GTF2IRD2B: variants seen among roughly 807,000 people sequenced by gnomAD.
GTF2IRD2B encodes general transcription factor II-I repeat domain-containing protein 2B.
GTF2IRD2B carries 10 observed loss-of-function variants against 55.6 expected under a neutral mutation model. The ratio of observed to expected loss-of-function variants is 0.18; its 90% CI spans 0.11 to 0.31. The LOEUF is 0.31. GTF2IRD2B is among the 10% of genes least tolerant of loss of function. GTF2IRD2B has a pLI of 1.00. For synonymous variants in GTF2IRD2B, 107 were observed against 320.5 expected, an observed-to-expected ratio of 0.33 and a Z score of 7.12; for missense variants, 206 against 802.7, an observed-to-expected ratio of 0.26 and a Z score of 8.98.
At chr7:75,145,802 ATC>A (rs1554454263) in intron 15 of GTF2IRD2B, among the ~76,000 whole-genome samples, 3 of 137,436 alleles carry the variant, frequency 2.2e-5, no homozygotes, top group Non-Finnish European at 4.7e-5. Flanking sequence ...TCCCAAACGC[ATC>A]TGATTGCTAA....
intron 3 of GTF2IRD2B, among the ~76,000 whole-genome samples, chr7:75,115,244 G>A (rs1584532361): frequency 6.7e-6 from 1 of 149,634 alleles, no homozygotes; most frequent in Admixed American, 6.7e-5. Context: ...ATTTGGTCAA[G>A]TGTTTATTTC....
chr7:75,121,171 G>A (rs1186359422), intron 4 of GTF2IRD2B, among the ~76,000 whole-genome samples, 161 bp downstream of exon 4: 3 of 149,400 alleles, frequency 2.0e-5, no homozygotes, highest in African/African-American at 7.3e-5. Flanking sequence ...CAAGTAGCTG[G>A]GATTACAGGC....
chr7:75,115,590 ATTTTTTTT>A (rs1163954497), intron 3 of GTF2IRD2B, among the ~76,000 whole-genome samples: 2 of 81,572 alleles, frequency 2.5e-5, no homozygotes, highest in Non-Finnish European at 5.0e-5. Flanking sequence ...TGCCCAGCTA[ATTTTTTTT>A]TTTTTTTTTT....
chr7:75,149,033 C>G lies in GTF2IRD2B; in HGVS notation c.2586C>G (p.His862Gln), dbSNP rs587620221. 1 of 788,872 alleles carries G rather than the reference C, an allele frequency of 1.3e-6. No homozygotes were observed. Among genetic ancestry groups the G allele is most frequent in the East Asian group, 2.4e-5 (1 of 41,200 alleles). 48.9% of individuals were successfully genotyped at this position (788,872 alleles called of 1,614,324 possible). ...SPFSTKIDSV[H>Q]EELQMEVIDL... ...TCTCCACGAAGATCGACAGTGTGCA[C>G]GAGGAGCTCCAGATGGAGGTTATCG... The change falls in exon 16 of 16, where the codon CAC (histidine) becomes CAG (glutamine). Residue 862 changes from histidine to glutamine, a missense_variant. By Grantham distance (24) the His-to-Gln change is conservative. Coordinates refer to ENST00000472837, the MANE Select transcript of GTF2IRD2B (RefSeq NM_001003795.3).
rs371425291 is a variant in GTF2IRD2B, at chr7:75,148,370, G to A, written c.1923G>A (p.Thr641=). 7 of 1,611,836 alleles carry A rather than the reference G, an allele frequency of 4.3e-6. No homozygotes were observed. In the African/African-American group the frequency reaches 5.4e-5, roughly 12 times the overall value. Residue 641 remains threonine, a synonymous_variant, in exon 16 of 16, where the codon ACG becomes ACA. Coordinates refer to ENST00000472837, the MANE Select transcript of GTF2IRD2B (RefSeq NM_001003795.3). The part of the protein sequence containing the change: ...LVTKLKSRVA[T]FCKGAELKSI... ...CAAAACTGAAGTCCAGGGTGGCGAC[G>A]TTCTGCAAGGGTGCGGAACTGAAGT...
At chr7:75,102,812 A>G (rs1807620779) in intron 1 of GTF2IRD2B, among the ~76,000 whole-genome samples, 1 of 151,850 alleles carries the variant, frequency 6.6e-6, no homozygotes, top group Non-Finnish European at 1.5e-5. Flanking sequence ...ACAAAAAATT[A>G]GCCGGCCATG....
At chr7:75,109,528 C>T (rs1554450474) in intron 2 of GTF2IRD2B, among the ~76,000 whole-genome samples, 1 of 88,020 alleles carries the variant, frequency 1.1e-5, no homozygotes. Flanking sequence ...TTAATAGAGA[C>T]GGGGTTTCAC....
chr7:75,137,218 A>G (rs2115834550), intron 11 of GTF2IRD2B, among the ~76,000 whole-genome samples: 1 of 151,334 alleles, frequency 6.6e-6, no homozygotes, highest in Middle Eastern at 3.4e-3. Flanking sequence ...AAAAAAAAAA[A>G]AATTGTGGGG....
intron 14 of GTF2IRD2B, among the ~76,000 whole-genome samples, chr7:75,142,914 T>C (rs368613330): frequency 0.013 from 1,476 of 116,134 alleles, 237 homozygotes; most frequent in African/African-American, 0.062. Context: ...GTAGAGTTAA[T>C]ACTCTGCAAA....
At chr7:75,127,028 A>AC (rs1554452532) in intron 8 of GTF2IRD2B, among the ~76,000 whole-genome samples, 1 of 150,066 alleles carries the variant, frequency 6.7e-6, no homozygotes, top group Admixed American at 6.7e-5. Flanking sequence ...CAAAAACAAA[A>AC]AAAACAAAAA....
At chr7:75,136,333 C>T (rs1554534563) in intron 10 of GTF2IRD2B, among the ~76,000 whole-genome samples, 2 of 149,892 alleles carry the variant, frequency 1.3e-5, no homozygotes, top group African/African-American at 5.0e-5. Flanking sequence ...GAATCTCACC[C>T]TGTCACCCAG....
At chr7:75,104,785 C>T (rs1554421384) in intron 1 of GTF2IRD2B, among the ~76,000 whole-genome samples, 1,841 of 151,912 alleles carry the variant, frequency 0.012, 1 homozygote, top group South Asian at 0.026. Flanking sequence ...AGGACCTACG[C>T]GTCTCATGGC....
At chr7:75,103,942 G>A (rs1350089731) in intron 1 of GTF2IRD2B, among the ~76,000 whole-genome samples, 5 of 148,826 alleles carry the variant, frequency 3.4e-5, no homozygotes. Flanking sequence ...TGAGGCAGGA[G>A]AATGGCGTGA....
chr7:75,115,854 C>T (rs1488347748), intron 3 of GTF2IRD2B, among the ~76,000 whole-genome samples: 1 of 151,560 alleles, frequency 6.6e-6, no homozygotes. Context: ...AATATTAAGC[C>T]TGCCAATCCA....
chr7:75,105,291 G>C lies in GTF2IRD2B; in HGVS notation c.-5-3669G>C, dbSNP rs1174203438. On this transcript the variant is annotated intron_variant, in intron 1 of 15. Coordinates refer to ENST00000472837, the MANE Select transcript of GTF2IRD2B (RefSeq NM_001003795.3). ...GGCCGAGGCGGGCGGATCACTTGAG[G>C]TCAAGGGTTCGAGACCAGCCTGGCC... is the stretch of plus-strand genomic sequence containing the variant. Among the ~76,000 whole-genome samples, 14 of 152,404 alleles carry C rather than the reference G, an allele frequency of 9.2e-5. No homozygotes were observed. The East Asian group carries it at 2.5e-3, about 27-fold the overall frequency.
chr7:75,136,536 A>G (rs2115831793), intron 10 of GTF2IRD2B, among the ~76,000 whole-genome samples: 1 of 121,730 alleles, frequency 8.2e-6, no homozygotes. Context: ...CCTGACCTCA[A>G]GTGATGCGCC....
At chr7:75,147,193 G>A (rs1428645333) in intron 15 of GTF2IRD2B, among the ~76,000 whole-genome samples, 6 of 151,994 alleles carry the variant, frequency 3.9e-5, no homozygotes, top group Non-Finnish European at 7.4e-5. Flanking sequence ...AGCACTTTGG[G>A]AGGCTGAGGT....
intron 1 of GTF2IRD2B, among the ~76,000 whole-genome samples, chr7:75,103,209 G>A (rs1408367224): frequency 3.9e-5 from 6 of 152,000 alleles, no homozygotes; most frequent in African/African-American, 1.4e-4. Flanking sequence ...AACCTGGGAG[G>A]TAGAGGTTGC....
At chr7:75,096,820 A>G (rs1349234807) in intron 1 of GTF2IRD2B, among the ~76,000 whole-genome samples, 1 of 148,234 alleles carries the variant, frequency 6.7e-6, no homozygotes, top group Non-Finnish European at 1.5e-5. Context: ...CTGAGCTGTG[A>G]AGAAGGTAGA....
Sources: allele counts gnomAD v4.1 joint callset (sites outside exome capture counted in the v4.1 genomes callset), GRCh38; gene constraint gnomAD v4.1.1; transcripts MANE v1.5; gene names NCBI Gene and HGNC (gene_info 2026-07-23, HGNC 2026-07-21).